Variants in FMN2 observed in about 807,000 individuals in gnomAD.
The protein encoded by FMN2 is formin 2.
In FMN2, 51 loss-of-function variants were observed where a neutral mutation model predicts 142.3. That is an observed-to-expected ratio of 0.36 (90% CI 0.29 to 0.45). The LOEUF (loss-of-function observed/expected upper bound fraction) is 0.45. Ranked by LOEUF, FMN2 falls within the 20% of genes least tolerant of loss-of-function variation. The pLI, the probability that FMN2 is intolerant of heterozygous loss-of-function variation, is 1.00. For synonymous variants in FMN2, 882 were observed against 869.8 expected (o/e 1.01, Z -0.25); for missense variants, 1,936 against 2,122.8 (o/e 0.91, Z 1.73).
At chr1:240,293,717 G>T (rs537355321) in intron 7 of FMN2, among the ~76,000 whole-genome samples, 1 of 152,212 alleles carries the variant, frequency 6.6e-6, no homozygotes, top group South Asian at 2.1e-4. Flanking sequence ...AATTGAGATA[G>T]TGGATTATTA....
intron 16 of FMN2, among the ~76,000 whole-genome samples, chr1:240,451,957 C>T (rs533320774): frequency 5.3e-5 from 8 of 151,924 alleles, no homozygotes; most frequent in East Asian, 1.9e-4. Context: ...ATTGGGAGGC[C>T]GAGGTGGGCA....
At chr1:240,204,193 A>G (rs989474530) in intron 4 of FMN2, among the ~76,000 whole-genome samples, 2 of 152,282 alleles carry the variant, frequency 1.3e-5, no homozygotes, top group Admixed American at 6.5e-5. Context: ...TGTGTTTCTA[A>G]ATTACTGGTT....
rs1668507501 is a variant in FMN2, at chr1:240,258,026, C to T, written c.4147C>T (p.Gln1383Ter). The change falls in exon 7 of 18, where the codon CAA (glutamine) becomes TAA (stop). Residue 1383 changes from glutamine to a stop codon, truncating the protein, a stop_gained. Transcript: ENST00000319653. LOFTEE classifies it high-confidence loss of function. ...CCTTCATTTAGATATGAAAGACATA[C>T]AACATGGTAAGTGTCAAAATGAAAA... ...SSLHLDMKDI[Q>*]HAVVNLDNSV... The T allele has an allele frequency of 6.2e-7, 1 of 1,608,298 alleles. No individual in the cohort carries two copies. The highest frequency in any genetic ancestry group is 1.3e-5 in the African/African-American group (1 of 74,732).
At chr1:240,442,245 A>G (rs533875475) in intron 16 of FMN2, among the ~76,000 whole-genome samples, 1 of 152,296 alleles carries the variant, frequency 6.6e-6, no homozygotes, top group South Asian at 2.1e-4. Context: ...AGCCACTGCC[A>G]TGGCTTATAT....
At chr1:240,446,230 C>T (rs1425634181) in intron 16 of FMN2, among the ~76,000 whole-genome samples, 1 of 152,146 alleles carries the variant, frequency 6.6e-6, no homozygotes, top group Non-Finnish European at 1.5e-5. Flanking sequence ...TTGCCGTGTT[C>T]CAAGAGGTGT....
At chr1:240,278,690 A>G (rs1669298467) in intron 7 of FMN2, among the ~76,000 whole-genome samples, 1 of 152,224 alleles carries the variant, frequency 6.6e-6, no homozygotes, top group African/African-American at 2.4e-5. Flanking sequence ...GCCACTAGCA[A>G]CGATTTCCCT....
At chr1:240,130,952 C>G (rs1302127207) in intron 2 of FMN2, among the ~76,000 whole-genome samples, 1 of 152,096 alleles carries the variant, frequency 6.6e-6, no homozygotes, top group African/African-American at 2.4e-5. Context: ...TTATTAGGAA[C>G]ACAAAGATGA....
At chr1:240,437,511 C>A (rs905081025) in intron 15 of FMN2, among the ~76,000 whole-genome samples, 3 of 151,922 alleles carry the variant, frequency 2.0e-5, no homozygotes, top group Non-Finnish European at 4.4e-5. Flanking sequence ...ACCGTGTTAG[C>A]CAGGATGGTC....
chr1:240,420,662 C>T (rs974760692), intron 15 of FMN2, among the ~76,000 whole-genome samples: 18 of 152,102 alleles, frequency 1.2e-4, no homozygotes, highest in African/African-American at 7.2e-5. Context: ...GTGTGGATGC[C>T]GTCACAGCTG....
chr1:240,266,417 T>C (rs7540623), intron 7 of FMN2, among the ~76,000 whole-genome samples: 57,159 of 151,690 alleles, frequency 0.38, 11,257 homozygotes, highest in East Asian at 0.55. Flanking sequence ...TGTGGCTTTA[T>C]TTTTATTTTT....
At chr1:240,144,011 C>G in intron 2 of FMN2, 1 of 1,191,912 alleles carries the variant, frequency 8.4e-7, no homozygotes, top group Non-Finnish European at 1.3e-6. Context: ...ACACTCATTC[C>G]AGACCCCAGA....
intron 2 of FMN2, among the ~76,000 whole-genome samples, chr1:240,151,338 T>C (rs1160228015): frequency 6.6e-6 from 1 of 152,168 alleles, no homozygotes; most frequent in Admixed American, 6.5e-5. Flanking sequence ...TAATCTCAGT[T>C]CCAGCCTGTT....
At chr1:240,161,199 T>G (rs1312066299) in intron 2 of FMN2, among the ~76,000 whole-genome samples, 1 of 152,130 alleles carries the variant, frequency 6.6e-6, no homozygotes, top group African/African-American at 2.4e-5. Flanking sequence ...AATGCGTGCT[T>G]GTGTGCTTTA....
At chr1:240,413,120 C>CAAAAAAAAAAAAAAA (rs35590068) in intron 15 of FMN2, among the ~76,000 whole-genome samples, 3 of 24,582 alleles carry the variant, frequency 1.2e-4, no homozygotes, top group Non-Finnish European at 2.3e-4. Context: ...GAGACTCTGT[C>CAAAAAAAAAAAAAAA]AAAAAAAAAA....
At chr1:240,247,437 G>A (rs532994337) in intron 6 of FMN2, among the ~76,000 whole-genome samples, 47 of 150,976 alleles carry the variant, frequency 3.1e-4, no homozygotes, top group Non-Finnish European at 6.0e-4. Context: ...GGGAGGCGGA[G>A]ATTGCAGTGA....
intron 3 of FMN2, among the ~76,000 whole-genome samples, chr1:240,184,974 C>CT (rs1309593702): frequency 8.0e-4 from 117 of 146,484 alleles, no homozygotes; most frequent in African/African-American, 2.6e-3. Flanking sequence ...CCTCCTATAC[C>CT]TTCCCCTTCT....
chr1:240,272,372 CAA>C (rs75554438), intron 7 of FMN2, among the ~76,000 whole-genome samples: 37,411 of 151,968 alleles, frequency 0.25, 5,415 homozygotes, highest in East Asian at 0.52. Context: ...GTGGTTTTTG[CAA>C]AAAGATTCCT....
chr1:240,237,037 G>A (rs1281896749), intron 6 of FMN2, among the ~76,000 whole-genome samples: 1 of 152,182 alleles, frequency 6.6e-6, no homozygotes, highest in Non-Finnish European at 1.5e-5. Flanking sequence ...GGTAGCTAAG[G>A]ACAGGAAGGA....
chr1:240,416,618 G>A (rs931039189), intron 15 of FMN2, among the ~76,000 whole-genome samples: 5 of 151,878 alleles, frequency 3.3e-5, no homozygotes, highest in African/African-American at 9.7e-5. Flanking sequence ...CATTCCATCT[G>A]TACTTATGTC....
Sources: allele counts gnomAD v4.1 joint callset (sites outside exome capture counted in the v4.1 genomes callset), GRCh38; gene constraint gnomAD v4.1.1; transcripts MANE v1.5; gene names NCBI Gene and HGNC (gene_info 2026-07-23, HGNC 2026-07-21).